Variants in CHD7 observed in about 807,000 individuals in gnomAD.
CHD7 encodes the protein chromodomain helicase DNA binding protein 7, also known as ATP-dependent chromatin remodeler CHD7.
CHD7 carries 24 observed loss-of-function variants against 307.3 expected under a neutral mutation model. The ratio of observed to expected loss-of-function variants is 0.08; its 90% confidence interval spans 0.06 to 0.11. The LOEUF (loss-of-function observed/expected upper bound fraction) is 0.11. Ranked by LOEUF, CHD7 falls within the 10% of genes least tolerant of loss-of-function variation. CHD7 has a pLI of 1.00. For missense variants in CHD7, 3,106 were observed against 3,727.1 expected (o/e 0.83, Z 4.34); for synonymous variants, 1,363 against 1,349.9 (o/e 1.01, Z -0.21).
At chr8:60,711,290 C>T (rs1007431334) in intron 1 of CHD7, among the ~76,000 whole-genome samples, 1 of 152,196 alleles carries the variant, frequency 6.6e-6, no homozygotes, top group Non-Finnish European at 1.5e-5. Flanking sequence ...GGGAAAGCAT[C>T]TCTATGGCCT....
At chr8:60,826,222 T>C (rs192398564) in intron 13 of CHD7, among the ~76,000 whole-genome samples, 33 of 152,308 alleles carry the variant, frequency 2.2e-4, no homozygotes, top group African/African-American at 7.5e-4. Flanking sequence ...TGTCCTGACC[T>C]TCCCCAAGGA....
Position 60,819,688 on chromosome 8 carries a change from C to T in CHD7, c.2614-319C>T, listed in dbSNP as rs190011654. Reference sequence around the variant, plus strand: ...GTAGTTTCGAGAATGCTAAATGCATCGCATGCCATAAGCCTTTTGGATTGC... The same window carrying T: ...GTAGTTTCGAGAATGCTAAATGCATTGCATGCCATAAGCCTTTTGGATTGC... On this transcript the variant is annotated intron_variant, in intron 8 of 37. Coordinates refer to ENST00000423902, the MANE Select transcript of CHD7 (RefSeq NM_017780.4). Among the ~76,000 whole-genome samples the T allele has an allele frequency of 1.5e-3, 225 of 152,284 alleles. 1 individual carries two copies. Among genetic ancestry groups the T allele is most frequent in the African/African-American group, 4.7e-3 (194 of 41,562 alleles).
At chr8:60,773,059 C>G (rs1325453631) in intron 2 of CHD7, among the ~76,000 whole-genome samples, 1 of 152,222 alleles carries the variant, frequency 6.6e-6, no homozygotes, top group East Asian at 1.9e-4. Context: ...ATATCACCCA[C>G]CTCACCAACC....
chr8:60,820,893 G>A (rs1803999213), intron 9 of CHD7, among the ~76,000 whole-genome samples: 1 of 151,968 alleles, frequency 6.6e-6, no homozygotes, highest in Non-Finnish European at 1.5e-5. Flanking sequence ...TTGTTTCATA[G>A]CATATTTACA....
intron 2 of CHD7, among the ~76,000 whole-genome samples, chr8:60,767,684 T>G (rs920279722): frequency 6.6e-6 from 1 of 152,226 alleles, no homozygotes; most frequent in Non-Finnish European, 1.5e-5. Context: ...CCAGCAGCTC[T>G]GTGCGGGACT....
chr8:60,799,623 A>G (rs1471669075), intron 4 of CHD7, among the ~76,000 whole-genome samples: 2 of 152,248 alleles, frequency 1.3e-5, no homozygotes, highest in East Asian at 3.8e-4. Context: ...TATTATAACA[A>G]TATTTGTATA....
chr8:60,864,944 C>A, intron 37 of CHD7, 72 bp from the exon 38 acceptor site: 1 of 1,431,664 alleles, frequency 7.0e-7, no homozygotes, highest in Non-Finnish European at 9.5e-7. Context: ...AGGTTCACCA[C>A]AGAGGCTCAC....
At chr8:60,774,097 C>T (rs1474590711) in intron 2 of CHD7, among the ~76,000 whole-genome samples, 1 of 152,190 alleles carries the variant, frequency 6.6e-6, no homozygotes, top group Non-Finnish European at 1.5e-5. Flanking sequence ...GGTTGGAGAA[C>T]TCCACAGCCA....
At chr8:60,833,882 T>C (rs541273525) in intron 15 of CHD7, among the ~76,000 whole-genome samples, 1 of 152,352 alleles carries the variant, frequency 6.6e-6, no homozygotes, top group East Asian at 1.9e-4. Context: ...TCCCACCCTC[T>C]TTCCTTCAAT....
intron 3 of CHD7, among the ~76,000 whole-genome samples, chr8:60,790,285 T>TC (rs1811709059): frequency 6.6e-6 from 1 of 152,138 alleles, no homozygotes; most frequent in South Asian, 2.1e-4. Flanking sequence ...TCTACGTCTC[T>TC]CTAGCCTCGT....
chr8:60,862,465 A>T, intron 36 of CHD7, 83 bp from the exon 37 acceptor site: 3 of 1,467,700 alleles, frequency 2.0e-6, no homozygotes, highest in Non-Finnish European at 2.8e-6. Context: ...GTATGTGTGT[A>T]TTATAGAAGG....
Position 60,730,831 on chromosome 8 carries a change from GCCTGGGCGACAGAGCGAGA to G in CHD7, c.-174-10426_-174-10408del, listed in dbSNP as rs573622998. ...GCTGAGATCGCGCCACTGCACTCCA[GCCTGGGCGACAGAGCGAGA>G]CTCTGTCTCAAAAAAAAAAAAGGAA... is the stretch of plus-strand genomic sequence containing the variant. On this transcript the variant is annotated intron_variant, in intron 1 of 37. Coordinates refer to ENST00000423902, the MANE Select transcript of CHD7 (RefSeq NM_017780.4). Among the ~76,000 whole-genome samples the G allele has an allele frequency of 5.2e-3, 798 of 152,010 alleles. 28 individuals carry two copies. The highest frequency in any genetic ancestry group is 0.043 in the Admixed American group (652 of 15,278).
intron 3 of CHD7, among the ~76,000 whole-genome samples, chr8:60,790,906 G>C (rs1190689903): frequency 1.3e-5 from 2 of 152,158 alleles, no homozygotes; most frequent in East Asian, 1.9e-4. Flanking sequence ...ATGGTGATTA[G>C]AAAATGCTTC....
Position 60,844,838 on chromosome 8 carries a change from C to A in CHD7, c.4851-26C>A. ...CATAAATCAAAACTCACAGGCACCTCTGCATGCTGGATATTTGCTTTGCAG... is the reference window on the plus strand; with the variant it reads ...CATAAATCAAAACTCACAGGCACCTATGCATGCTGGATATTTGCTTTGCAG... On this transcript the variant is annotated intron_variant, in intron 21 of 37. Coordinates refer to ENST00000423902, the MANE Select transcript of CHD7 (RefSeq NM_017780.4). 1.3e-6 allele frequency: 2 copies of A among 1,556,790 alleles called. 1 individual carries two copies. The highest frequency in any genetic ancestry group is 3.4e-4 in the Middle Eastern group (2 of 5,816).
In CHD7 at chr8:60,854,511, G is replaced by A. The variant is rs61733338; in HGVS notation, c.6924G>A (p.Ser2308=). The change falls in exon 32 of 38, where the codon TCG becomes TCA. Residue 2308 remains serine (S), a synonymous_variant. Coordinates refer to ENST00000423902, the MANE Select transcript of CHD7 (RefSeq NM_017780.4). ...TTCATGAAAGAACATTTGCCTTCTC[G>A]TTTTGGCCTAAGGTTGGCAGGTTTT... ...QLLHERTFAF[S]FWPKDRVMIN... 3.1e-4 allele frequency: 495 copies of A among 1,598,904 alleles called. 1 individual carries two copies. The African/African-American group carries it at 5.2e-3, about 17-fold the overall frequency.
chr8:60,679,279 C>A (rs1237500419), intron 1 of CHD7, among the ~76,000 whole-genome samples, 197 bp downstream of exon 1: 1 of 146,900 alleles, frequency 6.8e-6, no homozygotes, highest in East Asian at 2.0e-4. Flanking sequence ...CGCGTAGTGT[C>A]GCCGGCGTCG....
chr8:60,860,872 T>G, intron 34 of CHD7, 32 bp from the exon 35 acceptor site: 121 of 1,514,760 alleles, frequency 8.0e-5, no homozygotes, highest in Non-Finnish European at 9.6e-5. Flanking sequence ...TCTCTTCGTG[T>G]GAGAATTCAT....
Position 60,806,128 on chromosome 8 carries a change from C to T in CHD7, c.2443-2089C>T, listed in dbSNP as rs140954033. Among the ~76,000 whole-genome samples, 75 of 152,074 alleles carry T rather than the reference C, an allele frequency of 4.9e-4. No individual in the cohort carries two copies. The East Asian group carries it at 9.5e-3, about 19-fold the overall frequency. On this transcript the variant is annotated intron_variant, in intron 6 of 37. Coordinates refer to ENST00000423902, the MANE Select transcript of CHD7 (RefSeq NM_017780.4). ...CTGTAATCCCAGTACTTTGGGAAGC[C>T]GAGGTGGGCAGATGATGAGGTCAGG...
At chr8:60,739,637 CAGGCCTGG>C (rs1808891159) in intron 1 of CHD7, among the ~76,000 whole-genome samples, 1 of 152,208 alleles carries the variant, frequency 6.6e-6, no homozygotes, top group Non-Finnish European at 1.5e-5. Context: ...CTGAAAACTA[CAGGCCTGG>C]AGACCCTCTC....
Sources: allele counts gnomAD v4.1 joint callset (sites outside exome capture counted in the v4.1 genomes callset), GRCh38; gene constraint gnomAD v4.1.1; transcripts MANE v1.5; gene names NCBI Gene and HGNC (gene_info 2026-07-23, HGNC 2026-07-21).